The following GPHN variants were observed in gnomAD, a reference collection of about 807,000 sequenced individuals.
GPHN encodes gephyrin.
In GPHN, 17 loss-of-function variants were observed where a neutral mutation model predicts 95.5. That is an observed-to-expected ratio of 0.18 (90% CI 0.12 to 0.27). The LOEUF (loss-of-function observed/expected upper bound fraction) is 0.27, where lower values mean the gene tolerates loss of function less well. Among genes scored for constraint, GPHN ranks in the 10% least tolerant of loss-of-function variants. The pLI, the probability that GPHN is intolerant of heterozygous loss-of-function variation, is 1.00. For synonymous variants in GPHN, 320 were observed against 322.5 expected, an observed-to-expected ratio of 0.99 and a Z score of 0.08; for missense variants, 660 against 978.1, an observed-to-expected ratio of 0.67 and a Z score of 4.34.
chr14:67,075,246 C>A (rs2153659638), intron 11 of GPHN, among the ~76,000 whole-genome samples: 1 of 152,264 alleles, frequency 6.6e-6, no homozygotes, highest in Admixed American at 6.5e-5. Context: ...CTATAAATGA[C>A]AAAGCTTGGA....
the GPHN span, chr14:67,203,383 G>A: frequency 4.9e-5 from 53 of 1,072,204 alleles, no homozygotes; most frequent in South Asian, 9.2e-5. Flanking sequence ...TGACAATTGC[G>A]CCAGTGGAGC....
chr14:67,267,091 G>A, the GPHN span, among the ~76,000 whole-genome samples: 1 of 152,022 alleles, frequency 6.6e-6, no homozygotes, highest in African/African-American at 2.4e-5. Flanking sequence ...CTGTCTCACA[G>A]AGCAAGACCC....
At chr14:67,709,966 G>T in the GPHN span, among the ~76,000 whole-genome samples, 1,544 of 152,222 alleles carry the variant, frequency 0.01, 34 homozygotes, top group African/African-American at 0.036. Context: ...TATCTAATTT[G>T]CCTCCTTTGG....
At chr14:66,789,093 A>G (rs1389671869) in intron 3 of GPHN, among the ~76,000 whole-genome samples, 2 of 152,222 alleles carry the variant, frequency 1.3e-5, no homozygotes, top group Admixed American at 6.5e-5. Context: ...CCAATGTTCA[A>G]TTTATGGAAA....
the GPHN span, among the ~76,000 whole-genome samples, chr14:67,582,561 G>A: frequency 1.2e-4 from 18 of 152,322 alleles, no homozygotes; most frequent in African/African-American, 4.3e-4. This position sits in a 1 kb window ranked among gnomAD's most constrained non-coding sequence, Gnocchi z 5.0. Context: ...GCTCATGCCT[G>A]TAATGTCAGC....
At position 66,843,867 on chromosome 14, in the gene GPHN, C is replaced by G. The variant is rs529261153; in HGVS notation, c.294+19301C>G. Reference sequence around the variant, plus strand: ...AAATAATCATCTTTGCTTAAGTTTTCCTTTCACATCATATATTATGTACAT... The same window carrying G: ...AAATAATCATCTTTGCTTAAGTTTTGCTTTCACATCATATATTATGTACAT... On this transcript the variant is annotated intron_variant, in intron 4 of 22. Coordinates refer to ENST00000478722, the MANE Select transcript of GPHN (RefSeq NM_020806.5). Among the ~76,000 whole-genome samples the G allele has an allele frequency of 2.3e-4, 35 of 151,896 alleles. No homozygotes were observed. In the South Asian group the frequency reaches 6.9e-3, roughly 30 times the overall value.
At chr14:67,411,404 TA>T in the GPHN span, among the ~76,000 whole-genome samples, 1 of 152,036 alleles carries the variant, frequency 6.6e-6, no homozygotes, top group Admixed American at 6.6e-5. Flanking sequence ...CCGTCTGTAA[TA>T]GAGTGATGTC....
intron 3 of GPHN, among the ~76,000 whole-genome samples, chr14:66,780,114 G>A (rs894394811): frequency 1.1e-4 from 17 of 152,162 alleles, no homozygotes; most frequent in Non-Finnish European, 5.9e-5. Context: ...TTTCTGGCTT[G>A]GGAAATTGAG....
chr14:67,595,543 C>T, the GPHN span, among the ~76,000 whole-genome samples: 2 of 152,218 alleles, frequency 1.3e-5, no homozygotes, highest in Admixed American at 1.3e-4. Context: ...GGTTCCCACT[C>T]CTTCTGCCAA....
At chr14:67,316,861 A>G in the GPHN span, 2 of 1,612,760 alleles carry the variant, frequency 1.2e-6, no homozygotes, top group African/African-American at 1.3e-5. Flanking sequence ...AAGGGAAGCC[A>G]TGAAACAAAC....
At chr14:67,724,666 G>T in the GPHN span, 3 of 1,146,190 alleles carry the variant, frequency 2.6e-6, no homozygotes, top group East Asian at 2.4e-5. Flanking sequence ...TGTCCATATT[G>T]CTTTGTGTTT....
chr14:67,451,012 C>G, the GPHN span, among the ~76,000 whole-genome samples: 1 of 152,180 alleles, frequency 6.6e-6, no homozygotes, highest in Non-Finnish European at 1.5e-5. Flanking sequence ...TGCCTTATGT[C>G]CCAGCTGTTC....
At chr14:67,414,342 C>T in the GPHN span, among the ~76,000 whole-genome samples, 2 of 152,220 alleles carry the variant, frequency 1.3e-5, no homozygotes, top group African/African-American at 4.8e-5. Flanking sequence ...ATGAGTCATA[C>T]CCCTTCCTTC....
At chr14:67,198,227 C>T in the GPHN span, 1 of 1,613,944 alleles carries the variant, frequency 6.2e-7, no homozygotes, top group Non-Finnish European at 8.5e-7. Context: ...GCACCCCACA[C>T]TCCCATGATC....
At chr14:67,166,320 T>G (rs2140018039) in intron 20 of GPHN, among the ~76,000 whole-genome samples, 1 of 152,332 alleles carries the variant, frequency 6.6e-6, no homozygotes, top group South Asian at 2.1e-4. Flanking sequence ...AGCCATTGTA[T>G]AAAGAAATGT....
chr14:67,659,530 T>C, the GPHN span, among the ~76,000 whole-genome samples: 1 of 151,652 alleles, frequency 6.6e-6, no homozygotes, highest in East Asian at 1.9e-4. Flanking sequence ...TAAATATGCA[T>C]ATAGTTCGAA....
At chr14:66,596,860 G>T (rs1055771856) in intron 1 of GPHN, among the ~76,000 whole-genome samples, 7 of 152,210 alleles carry the variant, frequency 4.6e-5, no homozygotes, top group Non-Finnish European at 1.0e-4. Flanking sequence ...CTTGGTTCCT[G>T]CTGGCTCCGT....
At chr14:67,368,460 TAAG>T in the GPHN span, among the ~76,000 whole-genome samples, 1 of 151,904 alleles carries the variant, frequency 6.6e-6, no homozygotes, top group Non-Finnish European at 1.5e-5. Context: ...ATACAGAAAA[TAAG>T]AAAATATTTA....
chr14:67,142,534 C>G (rs1188599404), intron 17 of GPHN, among the ~76,000 whole-genome samples: 1 of 152,198 alleles, frequency 6.6e-6, no homozygotes, highest in Non-Finnish European at 1.5e-5. Context: ...AGTCAGGAAC[C>G]TGCCTAGCTT....
Sources: allele counts gnomAD v4.1 joint callset (sites outside exome capture counted in the v4.1 genomes callset), GRCh38; gene constraint gnomAD v4.1.1; non-coding constraint Gnocchi (gnomAD v3.1); transcripts MANE v1.5; gene names NCBI Gene and HGNC (gene_info 2026-07-23, HGNC 2026-07-21).